Variants in DIAPH2 observed in about 807,000 individuals in gnomAD.
The protein encoded by DIAPH2 is diaphanous related formin 2, also known as protein diaphanous homolog 2.
A neutral mutation model predicts 92.7 loss-of-function variants in DIAPH2; 35 were observed. The observed-to-expected ratio is 0.38, with a 90% CI of 0.29 to 0.50. The LOEUF (loss-of-function observed/expected upper bound fraction) is 0.50. Ranked by LOEUF, DIAPH2 falls within the 20% of genes least tolerant of loss-of-function variation. DIAPH2 has a pLI of 0.94. For missense variants in DIAPH2, 701 were observed against 819.5 expected (o/e 0.86, Z 1.77); for synonymous variants, 301 against 280.4 (o/e 1.07, Z -0.73).
chrX:96,745,622 G>A (rs941764901), intron 3 of DIAPH2, among the ~76,000 whole-genome samples: 1 of 111,867 alleles, frequency 8.9e-6, no homozygotes, highest in Non-Finnish European at 1.9e-5. Flanking sequence ...CTAAAAGAAG[G>A]TAGCTGTTTT....
chrX:97,366,903 C>A (rs1268716380), intron 24 of DIAPH2, among the ~76,000 whole-genome samples: 1 of 111,397 alleles, frequency 9.0e-6, no homozygotes, highest in Non-Finnish European at 1.9e-5. Context: ...AGTATAAGCA[C>A]AATATGCAAA....
intron 26 of DIAPH2, among the ~76,000 whole-genome samples, chrX:97,491,752 T>C (rs1181238209): frequency 1.8e-5 from 2 of 111,875 alleles, no homozygotes. Flanking sequence ...GCCCTTTTGT[T>C]GATTGTTTTC....
intron 4 of DIAPH2, among the ~76,000 whole-genome samples, chrX:96,865,974 T>TA (rs1193253806): frequency 8.9e-6 from 1 of 112,246 alleles, no homozygotes; most frequent in Non-Finnish European, 1.9e-5. Context: ...GAAAAATTGT[T>TA]ACTTGTACAG....
Position 97,334,470 on chromosome X carries a change from A to AC in DIAPH2, c.2845-13646_2845-13645insC, listed in dbSNP as rs2069032722. On this transcript the variant is annotated intron_variant, in intron 23 of 26. Transcript: ENST00000324765. ...AGAGCAAGACTCCGTCTCAAAAAAA[A>AC]AAAAAAAACAAAAAACAATTCTAGA... 9.2e-5 allele frequency among the ~76,000 whole-genome samples: 6 copies of AC among 65,289 alleles called. No individual in the cohort carries two copies. The South Asian group carries it at 4.7e-3, about 52-fold the overall frequency. 56.7% of individuals were successfully genotyped at this position (65,289 alleles called of 115,157 possible). A position where few individuals can be genotyped will look rare whatever the true frequency, so the allele number is the denominator to read the frequency against.
intron 22 of DIAPH2, among the ~76,000 whole-genome samples, chrX:97,224,106 C>T (rs944179144): frequency 8.9e-6 from 1 of 111,869 alleles, no homozygotes; most frequent in Middle Eastern, 4.2e-3. Context: ...CAGTTTTCAA[C>T]ATTTCACGGT....
At chrX:97,392,306 T>C (rs2069667385) in intron 25 of DIAPH2, among the ~76,000 whole-genome samples, 1 of 111,718 alleles carries the variant, frequency 9.0e-6, no homozygotes. Flanking sequence ...GCTGACACGA[T>C]GAAAGAGTCA....
chrX:97,469,862 C>G (rs1352403451), intron 26 of DIAPH2: 7 of 1,101,080 alleles, frequency 6.4e-6, no homozygotes, highest in Admixed American at 6.2e-5. Flanking sequence ...GTGCTCTTTT[C>G]TTTCTGCCTA....
intron 4 of DIAPH2, among the ~76,000 whole-genome samples, chrX:96,793,206 G>A (rs1219750239): frequency 2.7e-5 from 3 of 112,181 alleles, no homozygotes; most frequent in Non-Finnish European, 5.6e-5. Flanking sequence ...TGTCGCCCAG[G>A]CTAGAGTGCA....
At chrX:96,706,830 T>A (rs752837098) in intron 1 of DIAPH2, among the ~76,000 whole-genome samples, 17 of 111,697 alleles carry the variant, frequency 1.5e-4, no homozygotes, top group African/African-American at 5.5e-4. Flanking sequence ...CCTATAAACA[T>A]GTATGAATAT....
intron 22 of DIAPH2, among the ~76,000 whole-genome samples, chrX:97,229,621 A>G (rs1316289963): frequency 9.1e-6 from 1 of 110,158 alleles, no homozygotes; most frequent in Non-Finnish European, 1.9e-5. Context: ...GGTTTCTGGG[A>G]GAAGGTGGTC....
At chrX:97,213,333 T>C (rs1333135426) in intron 22 of DIAPH2, among the ~76,000 whole-genome samples, 1 of 111,941 alleles carries the variant, frequency 8.9e-6, no homozygotes, top group Admixed American at 9.5e-5. Flanking sequence ...TTTTTTTCCC[T>C]TTCTATGCTA....
chrX:97,086,302 T>G (rs1013511416), intron 19 of DIAPH2, among the ~76,000 whole-genome samples: 5 of 111,774 alleles, frequency 4.5e-5, no homozygotes, highest in Admixed American at 9.5e-5. Context: ...AGACATATAC[T>G]GTGTGATCTC....
At chrX:97,111,614 T>C (rs781169523) in intron 20 of DIAPH2, among the ~76,000 whole-genome samples, 2 of 111,963 alleles carry the variant, frequency 1.8e-5, no homozygotes, top group Non-Finnish European at 3.8e-5. Context: ...TTTATATCCA[T>C]TGTTTTCTTT....
At chrX:96,802,767 C>CCG (rs1429952635) in intron 4 of DIAPH2, among the ~76,000 whole-genome samples, 1 of 111,194 alleles carries the variant, frequency 9.0e-6, no homozygotes, top group Non-Finnish European at 1.9e-5. Flanking sequence ...AGGTGAAGTC[C>CCG]CGCAATAGGC....
intron 15 of DIAPH2, among the ~76,000 whole-genome samples, chrX:96,957,055 C>T (rs957595464): frequency 1.8e-5 from 2 of 112,675 alleles, no homozygotes; most frequent in Non-Finnish European, 3.7e-5. Flanking sequence ...GAGTCTCGCT[C>T]TGTCACCAAG....
intron 23 of DIAPH2, among the ~76,000 whole-genome samples, chrX:97,267,944 A>G (rs1479898238): frequency 9.0e-6 from 1 of 111,707 alleles, no homozygotes; most frequent in Non-Finnish European, 1.9e-5. Context: ...ACCCCTTAAT[A>G]AGAAAGTCAG....
At chrX:96,813,512 A>C (rs1035352754) in intron 4 of DIAPH2, among the ~76,000 whole-genome samples, 2 of 111,366 alleles carry the variant, frequency 1.8e-5, no homozygotes, top group African/African-American at 6.6e-5. Context: ...TGGAGCATTT[A>C]GCCCATTTAC....
chrX:97,509,913 A>G lies in DIAPH2; in HGVS notation c.3241+80168A>G, dbSNP rs1373121376. Among the ~76,000 whole-genome samples, 10 of 109,847 alleles carry G rather than the reference A, an allele frequency of 9.1e-5. No homozygotes were observed. The East Asian group carries it at 2.3e-3, about 25-fold the overall frequency. The stretch of plus-strand genomic sequence containing the variant: ...TTTCTTAATCCAGTCTATCATTGTT[A>G]GACATTTGGGTTGGTTCCAAGTCTT... On this transcript the variant is annotated intron_variant, in intron 26 of 26. Coordinates refer to ENST00000324765, the MANE Select transcript of DIAPH2 (RefSeq NM_006729.5).
chrX:96,847,548 C>T (rs965000029), intron 4 of DIAPH2, among the ~76,000 whole-genome samples: 14 of 111,032 alleles, frequency 1.3e-4, no homozygotes, highest in African/African-American at 4.6e-4. Context: ...AGTAAAGCCC[C>T]TTGGCACAGT....
Sources: gnomAD v4.1 joint callset for allele counts (sites outside exome capture counted in the v4.1 genomes callset) on GRCh38, gnomAD v4.1.1 for gene constraint, MANE v1.5 for transcripts, NCBI Gene and HGNC (gene_info 2026-07-23, HGNC 2026-07-21) for gene names.